TNNT1: variants seen among roughly 807,000 people sequenced by gnomAD.
The protein encoded by TNNT1 is troponin T, slow skeletal muscle.
A neutral mutation model predicts 50.6 loss-of-function variants in TNNT1; 53 were observed. That is an observed-to-expected ratio of 1.05 (90% CI 0.84 to 1.32). TNNT1 has a LOEUF of 1.32. Among genes scored for constraint, TNNT1 ranks in the 40% most tolerant of loss-of-function variants. The pLI, the probability that TNNT1 is intolerant of heterozygous loss-of-function variation, is 0.00. For missense variants in TNNT1, 348 were observed against 381.7 expected (o/e 0.91, Z 0.74); for synonymous variants, 142 against 138.0 (o/e 1.03, Z -0.20).
chr19:55,147,194 G>T (rs370576135), intron 1 of TNNT1, 26 bp from the exon 2 acceptor site: 4 of 1,610,466 alleles, frequency 2.5e-6, no homozygotes, highest in Non-Finnish European at 3.4e-6. Context: ...AAGAGGCCCA[G>T]TGGGGTGGGG....
rs763601103 is a variant in TNNT1, at chr19:55,141,315, C to T, written c.193-13G>A. ...TGCGGTGGATGTCCTGCAGGACACA[C>T]GGGCAGCCCGTCCTAGGAGACCCTG... On this transcript the variant is annotated splice_polypyrimidine_tract_variant and intron_variant, in intron 7 of 13. Transcript: ENST00000588981. The T allele has an allele frequency of 3.7e-6, 6 of 1,609,188 alleles. No homozygotes were observed. The Admixed American group carries it at 5.0e-5, about 13-fold the overall frequency.
chr19:55,138,856 G>A (rs188717401), intron 9 of TNNT1, among the ~76,000 whole-genome samples: 3 of 152,292 alleles, frequency 2.0e-5, no homozygotes, highest in Admixed American at 1.3e-4. Context: ...AGGGGTTCTG[G>A]AATATTGAGC....
intron 3 of TNNT1, 70 bp downstream of exon 3, chr19:55,146,938 T>TCCTCG: frequency 6.6e-7 from 1 of 1,512,846 alleles, no homozygotes; most frequent in Non-Finnish European, 8.9e-7. Context: ...AGTGCCACAC[T>TCCTCG]CCTCGCCTCC....
chr19:55,147,679 G>GA lies in TNNT1; in HGVS notation c.-11-512_-11-511insT, dbSNP rs142617129. Among the ~76,000 whole-genome samples, 7 of 22,832 alleles carry GA rather than the reference G, an allele frequency of 3.1e-4. 1 individual carries two copies. Among genetic ancestry groups the GA allele is most frequent in the South Asian group, 2.3e-3 (1 of 438 alleles). 15.0% of individuals were successfully genotyped at this position (22,832 alleles called of 152,430 possible). A position where few individuals can be genotyped will look rare whatever the true frequency, so the allele number is the denominator to read the frequency against. On this transcript the variant is annotated intron_variant, in intron 1 of 13. Transcript: ENST00000588981. Reference sequence around the variant, plus strand: ...CCTGGGTCTGAGGGAGGAGGGGCTGGGGTCTGGACTCCTGGATCTGAGGGA... The same window carrying GA: ...CCTGGGTCTGAGGGAGGAGGGGCTGGAGGTCTGGACTCCTGGATCTGAGGGA...
intron 7 of TNNT1, 101 bp from the exon 8 acceptor site, chr19:55,141,403 G>A: frequency 1.1e-6 from 1 of 877,746 alleles, no homozygotes. Flanking sequence ...CGTTTCCCAG[G>A]ACGGTATCCA....
At position 55,133,732 on chromosome 19, in the gene TNNT1, C is replaced by CGAGAGCAGAGAGAG. The variant is rs1362835613; in HGVS notation, c.791+141_791+154dup. The CGAGAGCAGAGAGAG allele has an allele frequency of 5.1e-5, 43 of 836,068 alleles. No individual in the cohort carries two copies. The East Asian group carries it at 1.1e-3, about 21-fold the overall frequency. 51.8% of individuals were successfully genotyped at this position (836,068 alleles called of 1,614,324 possible). ...AAAAAGGAACTGAGACCCAGGATTC[C>CGAGAGCAGAGAGAG]GAGAGCAGAGAGAGGAGGACAGAGA... On this transcript the variant is annotated intron_variant, in intron 13 of 13. Transcript: ENST00000588981.
chr19:55,137,087 C>A lies in TNNT1; in HGVS notation c.611+16G>T, dbSNP rs2147244415. 2.6e-6 allele frequency: 4 copies of A among 1,518,144 alleles called. No individual in the cohort carries two copies. The South Asian group carries it at 4.5e-5, about 17-fold the overall frequency. 94.0% of individuals were successfully genotyped at this position (1,518,144 alleles called of 1,614,324 possible). A position where few individuals can be genotyped will look rare whatever the true frequency, so the allele number is the denominator to read the frequency against. ...ACACCCAGGCCCCTACACCCCGAGC[C>A]CCCCACAGCACCTACCGGAGCTGTT... On this transcript the variant is annotated intron_variant, in intron 11 of 13. Transcript: ENST00000588981.
intron 9 of TNNT1, among the ~76,000 whole-genome samples, chr19:55,139,304 T>C (rs114916548): frequency 6.0e-4 from 91 of 152,288 alleles, no homozygotes; most frequent in Middle Eastern, 6.8e-3. Flanking sequence ...CTAAACTTAG[T>C]TTCCTATCAC....
Position 55,146,704 on chromosome 19 carries a change from T to C in TNNT1, c.50A>G (p.Glu17Gly). ...ACCTTCCTCCTCCTCCTCCGCAGCC[T>C]CCTCTGGAGATGGGGGCACAGAAGA... Reference protein sequence around the residue: ...QEYEEEQPEEEAAEEEEEAPE... With the variant: ...QEYEEEQPEEGAAEEEEEAPE... The change falls in exon 4 of 14, where the codon GAG becomes GGG. Residue 17 changes from glutamate to glycine, a missense_variant. Glu to Gly is a moderately conservative substitution (Grantham distance 98). Around this residue, in one of 3 missense-constraint regions of TNNT1, gnomAD observed 90 missense variants for 70.8 expected, o/e 1.27. Transcript: ENST00000588981. 1 of 1,471,886 alleles carries C rather than the reference T, an allele frequency of 6.8e-7. No homozygotes were observed. The highest frequency in any genetic ancestry group is 9.0e-7 in the Non-Finnish European group (1 of 1,105,590). The allele number at this position is 1,471,886 out of a possible 1,614,324, so 91.2% of individuals were successfully genotyped here.
At chr19:55,145,292 G>T in intron 6 of TNNT1, 1 of 555,898 alleles carries the variant, frequency 1.8e-6, no homozygotes. Flanking sequence ...TGGAGACTAT[G>T]ACCACGATGA....
At chr19:55,140,445 G>A (rs983470624) in intron 9 of TNNT1, among the ~76,000 whole-genome samples, 1 of 152,092 alleles carries the variant, frequency 6.6e-6, no homozygotes, top group Non-Finnish European at 1.5e-5. Context: ...ACTTCAGCCT[G>A]GGTGACAGAG....
At chr19:55,137,938 C>T in intron 10 of TNNT1, 23 bp downstream of exon 10, 1 of 1,614,158 alleles carries the variant, frequency 6.2e-7, no homozygotes. Context: ...ACTCAGACCT[C>T]AGGCTCCTGC....
chr19:55,134,026 C>T, intron 12 of TNNT1, 40 bp downstream of exon 12: 2 of 1,612,656 alleles, frequency 1.2e-6, no homozygotes, highest in Non-Finnish European at 1.7e-6. Flanking sequence ...CAGCCCAGCC[C>T]TGCCCTCTCT....
At chr19:55,137,752 A>C (rs1330229258) in intron 10 of TNNT1, among the ~76,000 whole-genome samples, 1 of 138,274 alleles carries the variant, frequency 7.2e-6, no homozygotes, top group Middle Eastern at 4.3e-3. Flanking sequence ...TCAGCCCAGG[A>C]GTCCAGGACC....
intron 1 of TNNT1, chr19:55,147,398 T>TGGACTCCTGGGTGTGAGA: frequency 9.8e-6 from 1 of 101,714 alleles, no homozygotes; most frequent in Non-Finnish European, 1.6e-5. Flanking sequence ...CTCCTGGGTC[T>TGGACTCCTGGGTGTGAGA]GAGGGAGGAG....
At chr19:55,143,041 T>G (rs1297447117) in intron 6 of TNNT1, among the ~76,000 whole-genome samples, 1 of 151,802 alleles carries the variant, frequency 6.6e-6, no homozygotes, top group East Asian at 2.0e-4. Flanking sequence ...TGGTGGTACG[T>G]GCCTGTAATC....
chr19:55,140,973 G>A lies in TNNT1; in HGVS notation c.310-13C>T, dbSNP rs771784177. 1 of 1,613,640 alleles carries A rather than the reference G, an allele frequency of 6.2e-7. No homozygotes were observed. Among genetic ancestry groups the A allele is most frequent in the East Asian group, 2.2e-5 (1 of 44,860 alleles). On this transcript the variant is annotated splice_polypyrimidine_tract_variant and intron_variant, in intron 8 of 13. Coordinates refer to ENST00000588981, the MANE Select transcript of TNNT1 (RefSeq NM_003283.6). ...ACCGGCGCCGCTCCTGGGAAACGGA[G>A]AAGCATAAGGGGGTGCAGGGACGTA...
intron 4 of TNNT1, 78 bp downstream of exon 4, chr19:55,146,603 T>TCC: frequency 8.9e-7 from 1 of 1,118,384 alleles, no homozygotes; most frequent in Non-Finnish European, 1.2e-6. Context: ...GGGAGCCCCA[T>TCC]CCCGCCCCCT....
intron 1 of TNNT1, among the ~76,000 whole-genome samples, chr19:55,147,563 GCCGGATT>G (rs2085593803): frequency 2.7e-5 from 3 of 111,772 alleles, no homozygotes; most frequent in Admixed American, 9.5e-5. Context: ...GGGGCTGGGG[GCCGGATT>G]CCTGGGTCTG....
Sources: gnomAD v4.1 joint callset for allele counts (sites outside exome capture counted in the v4.1 genomes callset) on GRCh38, gnomAD v4.1.1 for gene constraint, gnomAD v4.1.1 regional missense constraint, MANE v1.5 for transcripts, NCBI Gene and HGNC (gene_info 2026-07-23, HGNC 2026-07-21) for gene names.